The following BMPER variants were observed in gnomAD, a reference collection of about 807,000 sequenced individuals.
BMPER encodes BMP binding endothelial regulator, also known as BMP-binding endothelial regulator protein.
BMPER carries 45 observed loss-of-function variants against 87.3 expected under a neutral mutation model. That is an observed-to-expected ratio of 0.52 (90% CI 0.41 to 0.66). BMPER has a LOEUF of 0.66. Ranked by LOEUF, BMPER falls within the 30% of genes least tolerant of loss-of-function variation. The pLI is 0.00. For missense variants in BMPER, 784 were observed against 867.5 expected, an observed-to-expected ratio of 0.90 and a Z score of 1.21; for synonymous variants, 326 against 316.2, an observed-to-expected ratio of 1.03 and a Z score of -0.33.
chr7:34,124,582 A>G (rs952293685), intron 13 of BMPER, among the ~76,000 whole-genome samples: 2 of 152,090 alleles, frequency 1.3e-5, no homozygotes, highest in Non-Finnish European at 2.9e-5. Flanking sequence ...AAGTTTCTCA[A>G]TTACAGGCTA....
intron 2 of BMPER, among the ~76,000 whole-genome samples, chr7:33,908,214 TCTTC>T (rs1211718074): frequency 1.3e-5 from 2 of 152,170 alleles, no homozygotes; most frequent in Non-Finnish European, 2.9e-5. Flanking sequence ...GTGTGTTTAA[TCTTC>T]CTTTTTTATT....
chr7:33,936,426 G>C (rs1333256204), intron 2 of BMPER, among the ~76,000 whole-genome samples: 3 of 152,176 alleles, frequency 2.0e-5, no homozygotes, highest in Non-Finnish European at 2.9e-5. Flanking sequence ...CTGAGCAGCA[G>C]TTTTCTTGTT....
intron 6 of BMPER, among the ~76,000 whole-genome samples, chr7:34,039,190 G>C (rs188106118): frequency 6.6e-6 from 1 of 152,330 alleles, no homozygotes; most frequent in East Asian, 1.9e-4. Context: ...TGTGCTAGCT[G>C]CTGGGGGAAT....
intron 4 of BMPER, among the ~76,000 whole-genome samples, chr7:33,968,143 G>A (rs1785449902): frequency 6.6e-6 from 1 of 152,212 alleles, no homozygotes; most frequent in Admixed American, 6.5e-5. Flanking sequence ...GTCAGGAGAT[G>A]CTGACCTGTA....
chr7:33,992,611 A>C (rs1211566711), intron 6 of BMPER, among the ~76,000 whole-genome samples: 1 of 148,288 alleles, frequency 6.7e-6, no homozygotes, highest in Non-Finnish European at 1.5e-5. Context: ...CATTTAGTCC[A>C]TTTACATTTA....
At chr7:34,123,875 T>C (rs149079043) in intron 13 of BMPER, among the ~76,000 whole-genome samples, 2 of 152,322 alleles carry the variant, frequency 1.3e-5, no homozygotes, top group African/African-American at 4.8e-5. Flanking sequence ...TAGACTTCTT[T>C]TGGGTTGAGA....
intron 13 of BMPER, among the ~76,000 whole-genome samples, chr7:34,140,532 A>G (rs1389346292): frequency 6.6e-6 from 1 of 152,210 alleles, no homozygotes; most frequent in African/African-American, 2.4e-5. Context: ...CCTTAGTTTT[A>G]CAGAACGGCA....
chr7:33,994,154 C>T (rs1014577704), intron 6 of BMPER, among the ~76,000 whole-genome samples: 2 of 152,170 alleles, frequency 1.3e-5, no homozygotes, highest in Admixed American at 6.5e-5. Flanking sequence ...CCACCCAGTT[C>T]GAGCTTCCAG....
chr7:34,034,238 T>A (rs761362341), intron 6 of BMPER, among the ~76,000 whole-genome samples: 1 of 152,190 alleles, frequency 6.6e-6, no homozygotes, highest in Non-Finnish European at 1.5e-5. Context: ...GCCAAACACT[T>A]CTTCTTTCTG....
At chr7:34,005,039 A>G (rs925556616) in intron 6 of BMPER, among the ~76,000 whole-genome samples, 3 of 152,158 alleles carry the variant, frequency 2.0e-5, no homozygotes, top group Non-Finnish European at 4.4e-5. Context: ...CTGCAATATT[A>G]AACAATTACC....
At position 34,049,898 on chromosome 7, in the gene BMPER, A is replaced by G. The variant is rs541503363; in HGVS notation, c.677-1963A>G. ...CACCATCATTTTTATAGTAAATACAAAAAATAACTGCTCATTCATATTTCT... is the reference window on the plus strand; with the variant it reads ...CACCATCATTTTTATAGTAAATACAGAAAATAACTGCTCATTCATATTTCT... On this transcript the variant is annotated intron_variant, in intron 7 of 14. Transcript: ENST00000649409. Among the ~76,000 whole-genome samples, 24 of 152,296 alleles carry G rather than the reference A, an allele frequency of 1.6e-4. No homozygotes were observed. The East Asian group carries it at 2.1e-3, about 13-fold the overall frequency.
intron 8 of BMPER, among the ~76,000 whole-genome samples, chr7:34,053,436 G>A (rs187042214): frequency 7.2e-5 from 11 of 152,156 alleles, no homozygotes; most frequent in Admixed American, 6.5e-4. Context: ...TGTGGGTGCC[G>A]GGGCATTGAT....
chr7:34,033,401 A>G (rs1458702334), intron 6 of BMPER, among the ~76,000 whole-genome samples: 1 of 152,274 alleles, frequency 6.6e-6, no homozygotes, highest in East Asian at 1.9e-4. Context: ...GAACTTGGCA[A>G]CCACATGTAG....
intron 2 of BMPER, among the ~76,000 whole-genome samples, chr7:33,931,388 C>A (rs1432503386): frequency 6.6e-6 from 1 of 152,184 alleles, no homozygotes; most frequent in Non-Finnish European, 1.5e-5. Flanking sequence ...TCTGAGACAG[C>A]CTCATTGTGT....
intron 11 of BMPER, 135 bp downstream of exon 11, chr7:34,062,182 C>T (rs1021618246): frequency 4.0e-6 from 3 of 750,922 alleles, no homozygotes; most frequent in Non-Finnish European, 6.7e-6. Context: ...TCTCACCTCC[C>T]TACAGTCACT....
chr7:34,114,222 C>A (rs1197369647), intron 13 of BMPER, among the ~76,000 whole-genome samples: 1 of 152,198 alleles, frequency 6.6e-6, no homozygotes. Context: ...GGGGCCGAGT[C>A]CCCAGGAATT....
intron 13 of BMPER, among the ~76,000 whole-genome samples, chr7:34,130,295 C>T (rs575308705): frequency 6.6e-6 from 1 of 152,144 alleles, no homozygotes; most frequent in South Asian, 2.1e-4. Flanking sequence ...TTCCTCATTG[C>T]CTCCCATATT....
At chr7:34,150,426 C>T (rs1791141491) in intron 14 of BMPER, among the ~76,000 whole-genome samples, 1 of 152,120 alleles carries the variant, frequency 6.6e-6, no homozygotes, top group Non-Finnish European at 1.5e-5. Flanking sequence ...TGTAATTGAT[C>T]TGGGATGAAG....
chr7:33,961,565 C>A (rs1046536911), intron 3 of BMPER, among the ~76,000 whole-genome samples: 1 of 152,170 alleles, frequency 6.6e-6, no homozygotes, highest in Non-Finnish European at 1.5e-5. Flanking sequence ...TTAGCTGAGG[C>A]TGGAGTAGAG....
Sources: allele counts gnomAD v4.1 joint callset (sites outside exome capture counted in the v4.1 genomes callset), GRCh38; gene constraint gnomAD v4.1.1; transcripts MANE v1.5; gene names NCBI Gene and HGNC (gene_info 2026-07-23, HGNC 2026-07-21).